Variants in PCDHGA2 observed in about 807,000 individuals in gnomAD.
The protein encoded by PCDHGA2 is protocadherin gamma-A2.
In PCDHGA2, 40 loss-of-function variants were observed where a neutral mutation model predicts 59.2. That is an observed-to-expected ratio of 0.68 (90% confidence interval 0.52 to 0.88). The LOEUF (loss-of-function observed/expected upper bound fraction) is 0.88, where lower values mean the gene tolerates loss of function less well. Among genes scored for constraint, PCDHGA2 ranks in the 40% least tolerant of loss-of-function variants. The probability of loss-of-function intolerance (pLI) is 0.00; values close to 1 mark genes in which losing one functional copy is unlikely to be tolerated. For synonymous variants in PCDHGA2, 560 were observed against 526.0 expected (o/e 1.06, Z -0.89); for missense variants, 1,226 against 1,204.0 (o/e 1.02, Z -0.27).
chr5:141,413,032 C>A, intron 1 of PCDHGA2: 1 of 766,948 alleles, frequency 1.3e-6, no homozygotes, highest in Non-Finnish European at 2.0e-6. Context: ...CACAAACCGG[C>A]TGCTGGGCTG....
chr5:141,340,838 A>T lies in PCDHGA2; in HGVS notation c.1867A>T (p.Thr623Ser), dbSNP rs752058994. 8.1e-6 allele frequency: 13 copies of T among 1,612,206 alleles called. No individual in the cohort carries two copies. In the Admixed American group the frequency reaches 2.2e-4, roughly 27 times the overall value. The change falls in exon 1 of 4, where the codon ACG becomes TCG. Residue 623 changes from threonine to serine, a missense_variant. Thr to Ser is a moderately conservative substitution (Grantham distance 58). Coordinates refer to ENST00000394576, the MANE Select transcript of PCDHGA2 (RefSeq NM_018915.4). ...GGGACTCTTCTCGGTGGGTCTGCAC[A>T]CGGGCGAGGTGCGCACGGCGCGAGC... ...EPGLFSVGLHTGEVRTARALL... is the reference protein window; with the variant it reads ...EPGLFSVGLHSGEVRTARALL...
At chr5:141,473,511 C>T (rs952034051) in intron 1 of PCDHGA2, among the ~76,000 whole-genome samples, 23 of 152,108 alleles carry the variant, frequency 1.5e-4, no homozygotes, top group Non-Finnish European at 3.1e-4. Flanking sequence ...GAGAGCATAA[C>T]AAAGGATCCT....
At chr5:141,407,649 G>A (rs541467957) in intron 1 of PCDHGA2, among the ~76,000 whole-genome samples, 1 of 152,050 alleles carries the variant, frequency 6.6e-6, no homozygotes, top group East Asian at 1.9e-4. Flanking sequence ...AAAATAATGG[G>A]GGAGCGCAGT....
At chr5:141,375,629 G>T (rs567513392) in intron 1 of PCDHGA2, 4 of 1,614,074 alleles carry the variant, frequency 2.5e-6, no homozygotes, top group African/African-American at 1.3e-5. Context: ...GATTCTGTAC[G>T]CCCTGCGCTC....
chr5:141,399,407 C>T (rs1168752842), intron 1 of PCDHGA2: 5 of 1,613,914 alleles, frequency 3.1e-6, no homozygotes, highest in Non-Finnish European at 4.2e-6. Context: ...GGCAAGCCGC[C>T]CCTCTCCTCC....
chr5:141,376,009 A>G lies in PCDHGA2; in HGVS notation c.2424+34614A>G, dbSNP rs111388524. 32 of 1,613,224 alleles carry G rather than the reference A, an allele frequency of 2.0e-5. No homozygotes were observed. In the South Asian group the frequency reaches 3.5e-4, roughly 18 times the overall value. On this transcript the variant is annotated intron_variant, in intron 1 of 3. Transcript: ENST00000394576. ...ACAGAGACGCGCTCAAGCAGAGCCT[A>G]GTGGTGGCCGTCCAGGACCACGGCC...
chr5:141,413,446 G>T, intron 1 of PCDHGA2: 4 of 1,614,130 alleles, frequency 2.5e-6, no homozygotes, highest in Non-Finnish European at 3.4e-6. Context: ...CTTGATCACC[G>T]CGGGCAGGAT....
rs770828917 is a variant in PCDHGA2 at position 141,431,306 on chromosome 5, C to G, written c.2425-63501C>G. ...GAACACTCACTTCTCCCTCATCGTG[C>G]AAAATGGAGCCGACGGTAGTAAGTA... On this transcript the variant is annotated intron_variant, in intron 1 of 3. Transcript: ENST00000394576. The surrounding 1 kb of genome is among the most constrained non-coding windows in gnomAD (Gnocchi z 4.8). 6.2e-7 allele frequency: 1 copy of G among 1,614,124 alleles called. No homozygotes were observed. The highest frequency in any genetic ancestry group is 2.2e-5 in the East Asian group (1 of 44,878).
At chr5:141,376,106 C>G (rs747782630) in intron 1 of PCDHGA2, 2 of 1,613,796 alleles carry the variant, frequency 1.2e-6, no homozygotes, top group East Asian at 4.5e-5. Flanking sequence ...CCTGGCCGAC[C>G]TGGGCAGCCT....
At chr5:141,502,404 C>A (rs1270930372) in intron 2 of PCDHGA2, among the ~76,000 whole-genome samples, 1 of 151,880 alleles carries the variant, frequency 6.6e-6, no homozygotes, top group Non-Finnish European at 1.5e-5. Flanking sequence ...TGTCCCCGAA[C>A]CTGGATTTGC....
intron 1 of PCDHGA2, among the ~76,000 whole-genome samples, chr5:141,407,428 G>A (rs1211459456): frequency 6.6e-6 from 1 of 151,524 alleles, no homozygotes; most frequent in Non-Finnish European, 1.5e-5. Context: ...AATGTCTCTT[G>A]CCCTTAAAAC....
chr5:141,344,308 G>C, intron 1 of PCDHGA2: 3 of 1,614,068 alleles, frequency 1.9e-6, no homozygotes, highest in Non-Finnish European at 2.5e-6. Context: ...AGGATAGACC[G>C]GGAGGAGCTC....
At chr5:141,473,750 G>C (rs777343462) in intron 1 of PCDHGA2, among the ~76,000 whole-genome samples, 1 of 152,192 alleles carries the variant, frequency 6.6e-6, no homozygotes, top group Non-Finnish European at 1.5e-5. Context: ...TGAGAACTTG[G>C]ATACTATGCA....
chr5:141,473,763 GGATTTGGT>G (rs1358359618), intron 1 of PCDHGA2, among the ~76,000 whole-genome samples: 73 of 152,322 alleles, frequency 4.8e-4, no homozygotes, highest in African/African-American at 1.7e-3. Context: ...ACTATGCAAA[GGATTTGGT>G]ATTTTAATTC....
At chr5:141,345,041 G>A in intron 1 of PCDHGA2, 1 of 1,613,942 alleles carries the variant, frequency 6.2e-7, no homozygotes, top group Non-Finnish European at 8.5e-7. Context: ...TTCTAGTCAC[G>A]GTTCTGGATG....
rs747235974 is a variant in PCDHGA2 at position 141,355,555 on chromosome 5, G to A, written c.2424+14160G>A. ...AGAAGATACAGTGAAGATTTTGCGG[G>A]TAGAGGTGGAAATAATCGATGTTAA... On this transcript the variant is annotated intron_variant, in intron 1 of 3. Transcript: ENST00000394576. 6.2e-6 allele frequency: 10 copies of A among 1,613,946 alleles called. No homozygotes were observed. The African/African-American group carries it at 1.1e-4, about 17-fold the overall frequency.
chr5:141,415,039 G>A (rs761101620), intron 1 of PCDHGA2: 1 of 1,613,486 alleles, frequency 6.2e-7, no homozygotes, highest in South Asian at 1.1e-5. Context: ...GGGACTCTTC[G>A]CGGTGGGGGA....
At chr5:141,366,214 A>G (rs749592795) in intron 1 of PCDHGA2, 7 of 1,613,810 alleles carry the variant, frequency 4.3e-6, no homozygotes, top group South Asian at 1.1e-5. Flanking sequence ...AGGTGCGCAC[A>G]GCGCGAGCCC....
At chr5:141,415,574 A>G (rs1168111069) in intron 1 of PCDHGA2, 3 of 1,614,066 alleles carry the variant, frequency 1.9e-6, no homozygotes, top group Non-Finnish European at 8.5e-7. Flanking sequence ...TTGTTAGATG[A>G]TTCGAAGTTT....
Sources: gnomAD v4.1 joint callset for allele counts (sites outside exome capture counted in the v4.1 genomes callset) on GRCh38, gnomAD v4.1.1 for gene constraint, Gnocchi (gnomAD v3.1) non-coding constraint, MANE v1.5 for transcripts, NCBI Gene and HGNC (gene_info 2026-07-23, HGNC 2026-07-21) for gene names.